Variants in SOX6 observed in about 807,000 individuals in gnomAD.
SOX6 encodes the protein transcription factor SOX-6.
SOX6 carries 11 observed loss-of-function variants against 97.8 expected under a neutral mutation model. That is an observed-to-expected ratio of 0.11 (90% CI 0.07 to 0.19). SOX6 has a LOEUF of 0.19. Among genes scored for constraint, SOX6 ranks in the 10% least tolerant of loss-of-function variants. The pLI, the probability that SOX6 is intolerant of heterozygous loss-of-function variation, is 1.00. For missense variants in SOX6, 810 were observed against 1,039.5 expected (o/e 0.78, Z 3.04); for synonymous variants, 360 against 371.4 (o/e 0.97, Z 0.35).
intron 12 of SOX6, among the ~76,000 whole-genome samples, chr11:16,019,598 G>C (rs540208337): frequency 2.0e-5 from 3 of 152,130 alleles, no homozygotes; most frequent in Admixed American, 2.0e-4. Context: ...GTATATATAA[G>C]ACAGTAAATA....
At chr11:16,545,699 C>G (rs956735313) in intron 4 of SOX6, among the ~76,000 whole-genome samples, 1 of 152,130 alleles carries the variant, frequency 6.6e-6, no homozygotes, top group Non-Finnish European at 1.5e-5. Context: ...CACCTGTAAT[C>G]GTAGCTCCTT....
At chr11:16,721,614 CCTCCCTCTCT>C (rs1291474951) in intron 2 of SOX6, among the ~76,000 whole-genome samples, 15 of 36,720 alleles carry the variant, frequency 4.1e-4, no homozygotes, top group Admixed American at 1.5e-3. Flanking sequence ...TCCCTCCCTC[CCTCCCTCTCT>C]CTCTCTCTCT....
intron 1 of SOX6, among the ~76,000 whole-genome samples, chr11:16,474,960 C>T (rs1362158003): frequency 6.6e-6 from 1 of 152,212 alleles, no homozygotes; most frequent in African/African-American, 2.4e-5. Context: ...CTTGCTGCAG[C>T]TTCTCCATCA....
intron 3 of SOX6, among the ~76,000 whole-genome samples, chr11:16,309,156 A>T (rs1246791253): frequency 1.3e-5 from 2 of 152,206 alleles, no homozygotes; most frequent in Non-Finnish European, 2.9e-5. Context: ...TATCAATTCC[A>T]CTCCTGGGGA....
chr11:16,672,301 C>G (rs1013641333), intron 3 of SOX6, among the ~76,000 whole-genome samples: 5 of 152,184 alleles, frequency 3.3e-5, no homozygotes, highest in Admixed American at 1.3e-4. Flanking sequence ...CATATCAATA[C>G]TAACCTAAAA....
In SOX6 at chr11:16,321,947, G is replaced by A. The variant is rs1041423112; in HGVS notation, c.238-3294C>T. Reference sequence around the variant, plus strand: ...CTGTAAGCAATTCATCTGAGTAAAAGGGGCACGTAAATTAATAAACTTATA... The same window carrying A: ...CTGTAAGCAATTCATCTGAGTAAAAAGGGCACGTAAATTAATAAACTTATA... On this transcript the variant is annotated intron_variant, in intron 2 of 15. Transcript: ENST00000683767. 2.0e-5 allele frequency among the ~76,000 whole-genome samples: 3 copies of A among 152,050 alleles called. No homozygotes were observed. In the East Asian group the frequency reaches 5.8e-4, roughly 29 times the overall value.
intron 1 of SOX6, chr11:16,408,873 C>T (rs1183225672): frequency 1.3e-5 from 2 of 152,066 alleles, no homozygotes; most frequent in Non-Finnish European, 2.9e-5. Flanking sequence ...ATGACTAAAA[C>T]TAACCCCAAG....
At chr11:16,488,130 AT>A (rs1483943051) in intron 4 of SOX6, among the ~76,000 whole-genome samples, 3 of 152,198 alleles carry the variant, frequency 2.0e-5, no homozygotes, top group African/African-American at 7.2e-5. Context: ...CTATGGGCTA[AT>A]TATCTAAGAG....
intron 2 of SOX6, among the ~76,000 whole-genome samples, chr11:16,327,635 C>T (rs1856142319): frequency 6.6e-6 from 1 of 152,034 alleles, no homozygotes; most frequent in Non-Finnish European, 1.5e-5. Context: ...CAGTACACTA[C>T]CGCTCTTATT....
chr11:16,156,689 C>A (rs554000205), intron 6 of SOX6, among the ~76,000 whole-genome samples: 4 of 151,968 alleles, frequency 2.6e-5, no homozygotes, highest in Non-Finnish European at 5.9e-5. Flanking sequence ...GGCCTCCTGG[C>A]TACACCTAAA....
chr11:16,268,289 A>G (rs1452669259), intron 3 of SOX6, among the ~76,000 whole-genome samples: 1 of 151,212 alleles, frequency 6.6e-6, no homozygotes, highest in African/African-American at 2.4e-5. Flanking sequence ...ATCATCATGT[A>G]CCCCATAAAT....
At chr11:16,484,118 A>G (rs1860392164) in intron 4 of SOX6, 6 of 771,852 alleles carry the variant, frequency 7.8e-6, no homozygotes, top group East Asian at 2.4e-5. Context: ...GTGACACTCA[A>G]TCTGGTTAAC....
intron 9 of SOX6, among the ~76,000 whole-genome samples, chr11:16,056,187 A>C (rs1005076757): frequency 1.3e-5 from 2 of 152,124 alleles, no homozygotes; most frequent in African/African-American, 4.8e-5. Flanking sequence ...TTGTACAAAA[A>C]GGAATTCAAC....
chr11:16,487,373 C>G (rs1015338246), intron 4 of SOX6, among the ~76,000 whole-genome samples: 1 of 152,078 alleles, frequency 6.6e-6, no homozygotes, highest in Non-Finnish European at 1.5e-5. Flanking sequence ...ATAGGAATTT[C>G]TAGGGATATA....
At chr11:16,275,898 T>C (rs1486678569) in intron 3 of SOX6, among the ~76,000 whole-genome samples, 1 of 152,188 alleles carries the variant, frequency 6.6e-6, no homozygotes, top group Non-Finnish European at 1.5e-5. Flanking sequence ...TTGTAATATT[T>C]GTAGTTATCT....
intron 1 of SOX6, among the ~76,000 whole-genome samples, chr11:16,467,029 A>T (rs1370282626): frequency 6.6e-6 from 1 of 152,098 alleles, no homozygotes; most frequent in African/African-American, 2.4e-5. Flanking sequence ...GCCAACAATC[A>T]TATGAAAAAA....
At chr11:16,033,901 T>C (rs970111055) in intron 12 of SOX6, among the ~76,000 whole-genome samples, 5 of 146,308 alleles carry the variant, frequency 3.4e-5, no homozygotes, top group African/African-American at 1.3e-4. Flanking sequence ...AATAAATAAA[T>C]AGAAAGAAAG....
In SOX6 at chr11:16,063,499, TATATATATATATATA is replaced by T. The variant is rs1848010752; in HGVS notation, c.1102-7613_1102-7599del. ...TGTAACTATATTTACCATAATTTTA[TATATATATATATATA>T]TATATATATATATATATATATATAT... is the stretch of plus-strand genomic sequence containing the variant. On this transcript the variant is annotated intron_variant, in intron 9 of 15. Coordinates refer to ENST00000683767, the MANE Select transcript of SOX6 (RefSeq NM_001367873.1). 1.2e-3 allele frequency among the ~76,000 whole-genome samples: 14 copies of T among 11,376 alleles called. 1 individual carries two copies. The highest frequency in any genetic ancestry group is 1.7e-3 in the African/African-American group (14 of 8,244). 7.5% of individuals were successfully genotyped at this position (11,376 alleles called of 152,430 possible). A position where few individuals can be genotyped will look rare whatever the true frequency, so the allele number is the denominator to read the frequency against.
chr11:16,365,545 C>T (rs560776994), intron 1 of SOX6, among the ~76,000 whole-genome samples: 23 of 152,130 alleles, frequency 1.5e-4, no homozygotes, highest in African/African-American at 4.8e-4. Context: ...TATTAGAAAT[C>T]AGGCCAGAGT....
Sources: gnomAD v4.1 joint callset for allele counts (sites outside exome capture counted in the v4.1 genomes callset) on GRCh38, gnomAD v4.1.1 for gene constraint, MANE v1.5 for transcripts, NCBI Gene and HGNC (gene_info 2026-07-23, HGNC 2026-07-21) for gene names.